Variants in RUNX2 observed in about 807,000 individuals in gnomAD.
The protein encoded by RUNX2 is RUNX family transcription factor 2, also known as runt-related transcription factor 2.
RUNX2 carries 10 observed loss-of-function variants against 51.7 expected under a neutral mutation model. The observed-to-expected ratio is 0.19, with a 90% CI of 0.12 to 0.33. RUNX2 has a LOEUF of 0.33. Among genes scored for constraint, RUNX2 ranks in the 10% least tolerant of loss-of-function variants. RUNX2 has a pLI of 1.00. For synonymous variants in RUNX2, 276 were observed against 273.6 expected, an observed-to-expected ratio of 1.01 and a Z score of -0.09; for missense variants, 562 against 691.3, an observed-to-expected ratio of 0.81 and a Z score of 2.10.
chr6:45,377,100 TCA>T (rs55895465), intron 2 of RUNX2, among the ~76,000 whole-genome samples: 34,248 of 151,948 alleles, frequency 0.23, 4,509 homozygotes, highest in Non-Finnish European at 0.31. Context: ...GAAAATAAGG[TCA>T]CAGTCATTCT....
intron 3 of RUNX2, 61 bp downstream of exon 3, chr6:45,423,018 C>T (rs1398288187): frequency 6.3e-7 from 1 of 1,583,980 alleles, no homozygotes; most frequent in African/African-American, 1.3e-5. Context: ...CCGCCGGTGT[C>T]TTCCTGCCCA....
At chr6:45,542,744 G>T (rs1802269804) in intron 7 of RUNX2, among the ~76,000 whole-genome samples, 1 of 152,206 alleles carries the variant, frequency 6.6e-6, no homozygotes. Context: ...AAGATAGCAG[G>T]TGTGTATGTG....
chr6:45,343,269 G>A (rs1790193363), intron 2 of RUNX2, among the ~76,000 whole-genome samples: 1 of 152,054 alleles, frequency 6.6e-6, no homozygotes, highest in South Asian at 2.1e-4. Flanking sequence ...CAGCACTTTG[G>A]GAGGCCGAGG....
chr6:45,519,953 G>A (rs1025415912), intron 7 of RUNX2, among the ~76,000 whole-genome samples: 2 of 151,560 alleles, frequency 1.3e-5, no homozygotes, highest in African/African-American at 4.9e-5. Flanking sequence ...TCACCCTCCC[G>A]ATTACAGACT....
At chr6:45,520,962 C>T (rs1361151708) in intron 7 of RUNX2, among the ~76,000 whole-genome samples, 4 of 152,064 alleles carry the variant, frequency 2.6e-5, no homozygotes, top group African/African-American at 4.8e-5. Context: ...TTGATCCACC[C>T]GCCTCGGCCT....
intron 3 of RUNX2, among the ~76,000 whole-genome samples, chr6:45,428,838 C>CT (rs66878438): frequency 0.67 from 88,249 of 130,954 alleles, 30,536 homozygotes; most frequent in African/African-American, 0.86. Flanking sequence ...GGGCAGATTG[C>CT]TTTTTTTTTT....
At position 45,397,746 on chromosome 6, in the gene RUNX2, A is replaced by G. The variant is rs566616288; in HGVS notation, c.59-24847A>G. On this transcript the variant is annotated intron_variant, in intron 2 of 8. Coordinates refer to ENST00000647337, the MANE Select transcript of RUNX2 (RefSeq NM_001024630.4). ...TAATATTTTAAGGGACCAAAATTAA[A>G]GAATTACTGATAAATTATTTTGATT... Among the ~76,000 whole-genome samples, 249 of 152,372 alleles carry G rather than the reference A, an allele frequency of 1.6e-3. 1 individual carries two copies. The highest frequency in any genetic ancestry group is 5.7e-3 in the African/African-American group (235 of 41,592).
chr6:45,384,654 C>T (rs1406328899), intron 2 of RUNX2, among the ~76,000 whole-genome samples: 1 of 144,096 alleles, frequency 6.9e-6, no homozygotes, highest in Non-Finnish European at 1.5e-5. Context: ...ATGTGTTAGA[C>T]ATAGTACTAT....
chr6:45,347,036 G>C (rs1008971664), intron 2 of RUNX2, among the ~76,000 whole-genome samples: 2 of 152,064 alleles, frequency 1.3e-5, no homozygotes, highest in Non-Finnish European at 2.9e-5. Context: ...TGGCTGAAAA[G>C]AGAGGTGGTA....
At chr6:45,536,939 T>G (rs989193331) in intron 7 of RUNX2, among the ~76,000 whole-genome samples, 6 of 152,224 alleles carry the variant, frequency 3.9e-5, no homozygotes, top group African/African-American at 1.4e-4. Flanking sequence ...AATTTCAAGA[T>G]TTTGATTCTC....
chr6:45,422,532 C>G, intron 2 of RUNX2, 61 bp from the exon 3 acceptor site: 1 of 1,470,726 alleles, frequency 6.8e-7, no homozygotes, highest in Non-Finnish European at 9.2e-7. Flanking sequence ...CATTTCCACC[C>G]TCCTCCCCCT....
chr6:45,470,483 A>T (rs1799765248), intron 5 of RUNX2, among the ~76,000 whole-genome samples: 1 of 152,232 alleles, frequency 6.6e-6, no homozygotes, highest in South Asian at 2.1e-4. Flanking sequence ...TGGGAAGTTA[A>T]GCATCTGCCA....
At chr6:45,428,962 T>C (rs569519590) in intron 3 of RUNX2, among the ~76,000 whole-genome samples, 5 of 152,184 alleles carry the variant, frequency 3.3e-5, no homozygotes, top group East Asian at 1.9e-4. Flanking sequence ...CGTACTCAGT[T>C]GAACCCTTTA....
chr6:45,526,579 T>C (rs908284014), intron 7 of RUNX2, among the ~76,000 whole-genome samples: 12 of 152,254 alleles, frequency 7.9e-5, no homozygotes, highest in Non-Finnish European at 1.8e-4. Context: ...ACTGTCATAG[T>C]GTTTTATGAC....
At position 45,538,350 on chromosome 6, in the gene RUNX2, C is replaced by T. The variant is rs995006800; in HGVS notation, c.1022-6867C>T. ...GCCTCTGCCTCGCTCGCCATCTCCCCGCCACCTCCCACCCCCTCATTTGCA... is the reference window on the plus strand; with the variant it reads ...GCCTCTGCCTCGCTCGCCATCTCCCTGCCACCTCCCACCCCCTCATTTGCA... On this transcript the variant is annotated intron_variant, in intron 7 of 8. Transcript: ENST00000647337. Among the ~76,000 whole-genome samples, 9 of 152,174 alleles carry T rather than the reference C, an allele frequency of 5.9e-5. No individual in the cohort carries two copies. In the South Asian group the frequency reaches 6.2e-4, roughly 11 times the overall value.
chr6:45,468,512 C>T (rs2677098), intron 5 of RUNX2, among the ~76,000 whole-genome samples: 42,453 of 151,914 alleles, frequency 0.28, 6,408 homozygotes, highest in Non-Finnish European at 0.34. Flanking sequence ...TTACTGTTAG[C>T]GAAGATTTTC....
At chr6:45,334,750 T>C (rs1388883020) in intron 2 of RUNX2, among the ~76,000 whole-genome samples, 1 of 150,870 alleles carries the variant, frequency 6.6e-6, no homozygotes, top group East Asian at 1.9e-4. Context: ...GTAATAATGA[T>C]TATAAACCAG....
At chr6:45,364,552 T>A (rs1041097748) in intron 2 of RUNX2, among the ~76,000 whole-genome samples, 8 of 151,392 alleles carry the variant, frequency 5.3e-5, no homozygotes, top group Admixed American at 3.3e-4. Flanking sequence ...CTACTATGTG[T>A]CAACAGACAT....
chr6:45,328,826 G>A, intron 2 of RUNX2, 42 bp downstream of exon 2: 1 of 1,584,134 alleles, frequency 6.3e-7, no homozygotes, highest in Non-Finnish European at 8.7e-7. Context: ...ATATGAACCT[G>A]TTAAACATAA....
Sources: allele counts gnomAD v4.1 joint callset (sites outside exome capture counted in the v4.1 genomes callset), GRCh38; gene constraint gnomAD v4.1.1; transcripts MANE v1.5; gene names NCBI Gene and HGNC (gene_info 2026-07-23, HGNC 2026-07-21).